SV2A: variants seen among roughly 807,000 people sequenced by gnomAD.
SV2A encodes the protein solute carrier family 22 member B1.
SV2A carries 25 observed loss-of-function variants against 78.0 expected under a neutral mutation model. The observed-to-expected ratio is 0.32, with a 90% confidence interval of 0.23 to 0.45. The LOEUF (loss-of-function observed/expected upper bound fraction) is 0.45. SV2A is among the 20% of genes least tolerant of loss of function. SV2A has a pLI of 1.00. For missense variants in SV2A, 752 were observed against 971.5 expected (o/e 0.77, Z 3.00); for synonymous variants, 355 against 384.7 (o/e 0.92, Z 0.90).
In SV2A at chr1:149,904,572, T is replaced by C. The variant is rs7534365; in HGVS notation, c.*442A>G. ...CACCCGAGGCCCACTCTTCAGACTC[T>C]AAGAAGTTCTTTTGGTCCATGGTCT... On this transcript the variant is annotated 3_prime_UTR_variant, in exon 13 of 13. Coordinates refer to ENST00000369146, the MANE Select transcript of SV2A (RefSeq NM_014849.5). 0.12 allele frequency: 17,996 copies of C among 154,888 alleles called. 1,396 individuals are homozygous for C. Among genetic ancestry groups the C allele is most frequent in the Non-Finnish European group, 0.17 (11,766 of 69,540 alleles). The allele number at this position is 154,888 out of a possible 1,614,324, so 9.6% of individuals were successfully genotyped here.
chr1:149,909,555 G>T lies in SV2A; in HGVS notation c.1196C>A (p.Thr399Lys), dbSNP rs145220569. The change falls in exon 7 of 13, where the codon ACG becomes AAG. Residue 399 changes from threonine to lysine, a missense_variant. Physicochemically the swap from Thr to Lys is moderately conservative, Grantham distance 78. Transcript: ENST00000369146. Reference protein sequence around the residue: ...ERVFSVTHIKTIHQEDELIEI... With the variant: ...ERVFSVTHIKKIHQEDELIEI... ...AATCAATTCATCCTCCTGATGAATC[G>T]TCTTAATGTGGGTTACCTGGGGTCA... 6.2e-7 allele frequency: 1 copy of T among 1,614,066 alleles called. No homozygotes were observed. The highest frequency in any genetic ancestry group is 1.1e-5 in the South Asian group (1 of 91,078).
chr1:149,912,914 A>G (rs80040853), intron 2 of SV2A, among the ~76,000 whole-genome samples: 319 of 152,214 alleles, frequency 2.1e-3, no homozygotes, highest in African/African-American at 7.4e-3. Flanking sequence ...GAAACATTAA[A>G]TGGTAGGGAC....
intron 3 of SV2A, among the ~76,000 whole-genome samples, chr1:149,911,473 G>T (rs61807544): frequency 3.3e-5 from 5 of 151,670 alleles, no homozygotes; most frequent in Non-Finnish European, 7.4e-5. Flanking sequence ...ACTCTGGTAG[G>T]GGGTAACTCT....
chr1:149,915,288 G>A (rs190432172), intron 1 of SV2A, among the ~76,000 whole-genome samples: 3 of 152,114 alleles, frequency 2.0e-5, no homozygotes, highest in Non-Finnish European at 4.4e-5. Flanking sequence ...ACAACAGGGG[G>A]GTCATACTTA....
At chr1:149,905,267 G>C in intron 12 of SV2A, 70 bp from the exon 13 acceptor site, 2 of 1,426,456 alleles carry the variant, frequency 1.4e-6, no homozygotes, top group Non-Finnish European at 1.9e-6. Context: ...GTGGAGGGCA[G>C]GGAAGTGAAG....
In SV2A at chr1:149,909,233, G is replaced by A. The variant is rs73006313; in HGVS notation, c.1338C>T (p.Ile446=). 5,844 of 1,613,954 alleles carry A rather than the reference G, an allele frequency of 3.6e-3. 130 individuals are homozygous for A. The African/African-American group carries it at 0.058, about 16-fold the overall frequency. ...LSCFGPEYRR[I]TLMMMGVWFT... is the part of the protein sequence containing the mutation. ...ACCACACACCCATCATCATCAGAGT[G>A]ATGCGCCGATATTCGGGACCAAAAC... The change falls in exon 8 of 13, where the codon ATC becomes ATT. Residue 446 remains isoleucine (I), a synonymous_variant. Transcript: ENST00000369146.
intron 10 of SV2A, 40 bp from the exon 11 acceptor site, chr1:149,906,896 A>T (rs782803646): frequency 5.0e-6 from 8 of 1,610,984 alleles, no homozygotes; most frequent in Non-Finnish European, 6.8e-6. Flanking sequence ...GTCATAGCAG[A>T]TGGGAGAGGG....
Position 149,913,496 on chromosome 1 carries a change from A to C in SV2A, c.345T>G (p.Asp115Glu), listed in dbSNP as rs2092489973. 2 of 1,423,928 alleles carry C rather than the reference A, an allele frequency of 1.4e-6. No homozygotes were observed. The highest frequency in any genetic ancestry group is 1.7e-5 in the African/African-American group (1 of 59,894). The allele number at this position is 1,423,928 out of a possible 1,614,324, so 88.2% of individuals were successfully genotyped here. Residue 115 changes from aspartate to glutamate, a missense_variant, in exon 2 of 13, where the codon GAT (aspartate) becomes GAG (glutamate). By Grantham distance (45) the Asp-to-Glu change is conservative. This residue lies in a region of SV2A where 291 missense variants were observed against 359.5 expected (regional missense o/e 0.81). Transcript: ENST00000369146. ...ESGGKGERMA[D>E]GAPLAGVRGG... ...CCCTTACTCCAGCCAGGGGCGCCCC[A>C]TCTGCCATCCGCTCGCCTTTGCCCC... is the stretch of plus-strand genomic sequence containing the variant.
At position 149,909,849 on chromosome 1, in the gene SV2A, G is replaced by C. The variant is rs2092464250; in HGVS notation, c.1131C>G (p.Val377=). Residue 377 remains valine, a synonymous_variant, in exon 6 of 13, where the codon GTC becomes GTG. Transcript: ENST00000369146. ...HDEAWMVLKQ[V]HDTNMRAKGH... ...CTTTGGCTCGCATGTTGGTATCATG[G>C]ACCTGCTTCAGCACCATCCAGGCCT... The C allele has an allele frequency of 1.2e-6, 2 of 1,613,898 alleles. No individual in the cohort carries two copies. The highest frequency in any genetic ancestry group is 2.2e-5 in the South Asian group (2 of 91,088).
rs782809608 is a variant in SV2A at position 149,907,845 on chromosome 1, G to A, written c.1545-12C>T. 1 of 1,612,786 alleles carries A rather than the reference G, an allele frequency of 6.2e-7. No homozygotes were observed. ...GCAGCCCAATGAACCTGTAAGGCCA[G>A]GATGGTGAAAGACACTCCCCCGTCA... On this transcript the variant is annotated splice_polypyrimidine_tract_variant and intron_variant, in intron 9 of 12. Transcript: ENST00000369146.
rs376072080 is a variant in SV2A, at chr1:149,908,875, C to T, written c.1379+317G>A. ...GTCTCGATCTCCTAACCTCATGATC[C>T]GCCCGCCTCGTCCTCCCAAAGTGCT... is the stretch of plus-strand genomic sequence containing the variant. On this transcript the variant is annotated intron_variant, in intron 8 of 12. Coordinates refer to ENST00000369146, the MANE Select transcript of SV2A (RefSeq NM_014849.5). Among the ~76,000 whole-genome samples the T allele has an allele frequency of 1.3e-4, 20 of 152,118 alleles. 1 individual carries two copies. Among genetic ancestry groups the T allele is most frequent in the African/African-American group, 4.3e-4 (18 of 41,492 alleles).
In SV2A at chr1:149,909,542, C is replaced by T. The variant is rs1395739345; in HGVS notation, c.1209G>A (p.Glu403=). Reference sequence around the variant, plus strand: ...CCGACTGGATCTCAATCAATTCATCCTCCTGATGAATCGTCTTAATGTGGG... The same window carrying T: ...CCGACTGGATCTCAATCAATTCATCTTCCTGATGAATCGTCTTAATGTGGG... ...SVTHIKTIHQ[E]DELIEIQSDT... Residue 403 remains glutamate, a synonymous_variant, in exon 7 of 13, where the codon GAG becomes GAA. Transcript: ENST00000369146. 1.2e-6 allele frequency: 2 copies of T among 1,613,972 alleles called. No homozygotes were observed. The highest frequency in any genetic ancestry group is 1.7e-5 in the Admixed American group (1 of 60,004).
At chr1:149,911,003 A>T in intron 3 of SV2A, 26 bp from the exon 4 acceptor site, 2 of 1,607,804 alleles carry the variant, frequency 1.2e-6, no homozygotes, top group Non-Finnish European at 8.5e-7. Flanking sequence ...AGAATTCAGC[A>T]TTAGCAAATG....
intron 1 of SV2A, among the ~76,000 whole-genome samples, chr1:149,915,967 G>A (rs1183690615): frequency 6.6e-6 from 1 of 152,104 alleles, no homozygotes; most frequent in African/African-American, 2.4e-5. Context: ...ATGTGGTTCA[G>A]AGAGAAGCAC....
chr1:149,912,184 T>C (rs1286933929), intron 2 of SV2A, among the ~76,000 whole-genome samples: 2 of 152,150 alleles, frequency 1.3e-5, no homozygotes, highest in Admixed American at 1.3e-4. Context: ...AAGGCAGGAA[T>C]GAAGATATGG....
In SV2A at chr1:149,906,695, C is replaced by T. The variant is rs368970085; in HGVS notation, c.1840G>A (p.Val614Met). The T allele has an allele frequency of 6.2e-6, 10 of 1,614,082 alleles. No individual in the cohort carries two copies. The highest frequency in any genetic ancestry group is 5.3e-5 in the African/African-American group (4 of 74,908). The change falls in exon 11 of 13, where the codon GTG becomes ATG. Residue 614 changes from valine (V) to methionine (M), a missense_variant. Coordinates refer to ENST00000369146, the MANE Select transcript of SV2A (RefSeq NM_014849.5). ...GTLAVLPGNI[V>M]SALLMDKIGR... is the part of the protein sequence containing the mutation. ...ATCTTGTCCATGAGCAGGGCAGACA[C>T]GATATTCCCAGGAAGCACTGCCAGT...
Position 149,909,466 on chromosome 1 carries a change from C to T in SV2A, c.1285G>A (p.Gly429Arg). Reference sequence around the variant, plus strand: ...ACCACCCCGTCCACCATTACCTGCCCCCCTAGGCTCAAGGCCCGGACCCCC... The same window carrying T: ...ACCACCCCGTCCACCATTACCTGCCTCCCTAGGCTCAAGGCCCGGACCCCC... The part of the protein sequence containing the change: ...RWGVRALSLG[G>R]QVWGNFLSCF... The change falls in exon 7 of 13, where the codon GGG (glycine) becomes AGG (arginine). Residue 429 changes from glycine (G) to arginine (R), a missense_variant. Physicochemically the swap from Gly to Arg is moderately radical, Grantham distance 125. This residue lies in a region of SV2A where 136 missense variants were observed against 132.3 expected (regional missense o/e 1.03). Transcript: ENST00000369146. 1 of 1,613,414 alleles carries T rather than the reference C, an allele frequency of 6.2e-7. No individual in the cohort carries two copies. The highest frequency in any genetic ancestry group is 8.5e-7 in the Non-Finnish European group (1 of 1,179,444).
In SV2A at chr1:149,905,134, G is replaced by A. The variant is rs7518476; in HGVS notation, c.2109C>T (p.Ile703=). The change falls in exon 13 of 13, where the codon ATC becomes ATT. Residue 703 remains isoleucine (I), a synonymous_variant. Coordinates refer to ENST00000369146, the MANE Select transcript of SV2A (RefSeq NM_014849.5). ...TGGTGATTCCCACGAAGGATGTGAAGATGCTGATCCCCAGCACAGCTGCCA... is the reference window on the plus strand; with the variant it reads ...TGGTGATTCCCACGAAGGATGTGAAAATGCTGATCCCCAGCACAGCTGCCA... ...CKLAAVLGIS[I]FTSFVGITKA... is the part of the protein sequence containing the mutation. 3.3e-3 allele frequency: 5,284 copies of A among 1,612,502 alleles called. 125 individuals are homozygous for A. The African/African-American group carries it at 0.049, about 15-fold the overall frequency.
At position 149,913,581 on chromosome 1, in the gene SV2A, T is replaced by C. The variant is rs2092490960; in HGVS notation, c.260A>G (p.His87Arg). The change falls in exon 2 of 13, where the codon CAT becomes CGT. Residue 87 changes from histidine (H) to arginine (R), a missense_variant. Transcript: ENST00000369146. ...GGASSDATEG[H>R]DEDDEIYEGE... ...TTCATAGATCTCATCATCCTCGTCA[T>C]GGCCCTCAGTAGCATCACTGGATGC... is the stretch of plus-strand genomic sequence containing the variant. The C allele has an allele frequency of 6.2e-7, 1 of 1,613,998 alleles. No individual in the cohort carries two copies. The highest frequency in any genetic ancestry group is 1.7e-5 in the Admixed American group (1 of 59,998).
Sources: allele counts gnomAD v4.1 joint callset (sites outside exome capture counted in the v4.1 genomes callset), GRCh38; gene constraint gnomAD v4.1.1; regional missense constraint gnomAD v4.1.1; transcripts MANE v1.5; gene names NCBI Gene and HGNC (gene_info 2026-07-23, HGNC 2026-07-21).